The following GEMIN6 variants were observed in gnomAD, a reference collection of about 807,000 sequenced individuals.
GEMIN6 encodes the protein gem nuclear organelle associated protein 6, also known as gem-associated protein 6.
GEMIN6 carries 13 observed loss-of-function variants against 14.1 expected under a neutral mutation model. The ratio of observed to expected loss-of-function variants is 0.92; its 90% CI spans 0.60 to 1.46. The LOEUF (loss-of-function observed/expected upper bound fraction) is 1.46, where lower values mean the gene tolerates loss of function less well. Among genes scored for constraint, GEMIN6 ranks in the 40% most tolerant of loss-of-function variants. The pLI is 0.00. For missense variants in GEMIN6, 271 were observed against 202.4 expected, an observed-to-expected ratio of 1.34 and a Z score of -2.06; for synonymous variants, 87 against 70.0, an observed-to-expected ratio of 1.24 and a Z score of -1.21.
chr2:38,779,262 C>A, intron 2 of GEMIN6, 144 bp downstream of exon 2: 1 of 827,450 alleles, frequency 1.2e-6, no homozygotes, highest in South Asian at 1.6e-5. Flanking sequence ...AGACAGGGTT[C>A]TACTGTCACC....
intron 1 of GEMIN6, 107 bp downstream of exon 1, chr2:38,778,388 G>C (rs1268847461): frequency 6.6e-6 from 1 of 152,242 alleles, no homozygotes; most frequent in Non-Finnish European, 1.5e-5. Context: ...AAGCTCTAGA[G>C]CTGTAGCCGC....
chr2:38,783,170 G>A lies in GEMIN6; in HGVS notation c.*1278G>A. 1 of 156,366 alleles carries A rather than the reference G, an allele frequency of 6.4e-6. No individual in the cohort carries two copies. Among genetic ancestry groups the A allele is most frequent in the Non-Finnish European group, 1.4e-5 (1 of 71,704 alleles). The allele number at this position is 156,366 out of a possible 1,614,324, so 9.7% of individuals were successfully genotyped here. Reference sequence around the variant, plus strand: ...CAGGTGTGAGCCACCGTGCCCGGCTGTTTTTTGTGGGTTTTTTGTTTGTTT... The same window carrying A: ...CAGGTGTGAGCCACCGTGCCCGGCTATTTTTTGTGGGTTTTTTGTTTGTTT... On this transcript the variant is annotated 3_prime_UTR_variant, in exon 3 of 3. Transcript: ENST00000281950.
intron 2 of GEMIN6, among the ~76,000 whole-genome samples, chr2:38,779,664 A>ATAT (rs1462670941): frequency 1.4e-4 from 3 of 20,778 alleles, no homozygotes; most frequent in East Asian, 2.2e-3. Flanking sequence ...ATATATATAT[A>ATAT]TTTTTTTTTT....
chr2:38,781,502 AC>A lies in GEMIN6; in HGVS notation c.129-14del. On this transcript the variant is annotated splice_polypyrimidine_tract_variant and intron_variant, in intron 2 of 2. Coordinates refer to ENST00000281950, the MANE Select transcript of GEMIN6 (RefSeq NM_024775.10). ...TTGGGTTGATGATGCCTCTAAACTT[AC>A]TTTTCCTCCAAAGTATTGTCCTTGT... 6.3e-7 allele frequency: 1 copy of A among 1,591,748 alleles called. No homozygotes were observed. The highest frequency in any genetic ancestry group is 8.6e-7 in the Non-Finnish European group (1 of 1,168,588).
In GEMIN6 at chr2:38,781,828, C is replaced by G. The variant is rs1669098000; in HGVS notation, c.440C>G (p.Ser147Cys). 1.2e-6 allele frequency: 2 copies of G among 1,614,052 alleles called. No homozygotes were observed. The highest frequency in any genetic ancestry group is 1.7e-6 in the Non-Finnish European group (2 of 1,179,984). Residue 147 changes from serine (S) to cysteine (C), a missense_variant, in exon 3 of 3, where the codon TCT becomes TGT. Transcript: ENST00000281950. ...PPYGPENCSSSNEIILSRVQD... is the reference protein window; with the variant it reads ...PPYGPENCSSCNEIILSRVQD... Reference sequence around the variant, plus strand: ...TATGGTCCAGAAAATTGCAGCAGCTCTAATGAGATTATTCTGTCGCGTGTT... The same window carrying G: ...TATGGTCCAGAAAATTGCAGCAGCTGTAATGAGATTATTCTGTCGCGTGTT...
At position 38,781,783 on chromosome 2, in the gene GEMIN6, T is replaced by C; in HGVS notation, c.395T>C (p.Val132Ala). ...CCAAGGACTCTCTGTGTGGCTGGGG[T>C]CCTGACTATAGACCCACCATATGGT... ...DAPRTLCVAG[V>A]LTIDPPYGPE... Residue 132 changes from valine (V) to alanine (A), a missense_variant, in exon 3 of 3, where the codon GTC becomes GCC. Transcript: ENST00000281950. 2 of 1,613,968 alleles carry C rather than the reference T, an allele frequency of 1.2e-6. No individual in the cohort carries two copies. The highest frequency in any genetic ancestry group is 8.5e-7 in the Non-Finnish European group (1 of 1,180,004).
chr2:38,780,747 G>T (rs1464919997), intron 2 of GEMIN6, among the ~76,000 whole-genome samples: 1 of 151,376 alleles, frequency 6.6e-6, no homozygotes, highest in Non-Finnish European at 1.5e-5. Flanking sequence ...TCCTGCCTCA[G>T]CCTCCTAAGT....
At chr2:38,781,371 T>A (rs1669081498) in intron 2 of GEMIN6, 146 bp from the exon 3 acceptor site, 1 of 856,596 alleles carries the variant, frequency 1.2e-6, no homozygotes, top group Non-Finnish European at 1.8e-6. Flanking sequence ...AAAGTTTACC[T>A]ATTTAGGATC....
chr2:38,781,408 G>A (rs947124725), intron 2 of GEMIN6, 109 bp from the exon 3 acceptor site: 8 of 1,112,920 alleles, frequency 7.2e-6, no homozygotes, highest in Middle Eastern at 5.1e-4. Context: ...TGAATAAATG[G>A]AAGCATTCAT....
chr2:38,778,824 A>C, intron 1 of GEMIN6, 148 bp from the exon 2 acceptor site: 1 of 584,048 alleles, frequency 1.7e-6, no homozygotes, highest in Non-Finnish European at 2.9e-6. Context: ...CTATCAGTAC[A>C]TGCATTAATA....
In GEMIN6 at chr2:38,781,724, G is replaced by T; in HGVS notation, c.336G>T (p.Lys112Asn). The change falls in exon 3 of 3, where the codon AAG (lysine) becomes AAT (asparagine). Residue 112 changes from lysine to asparagine, a missense_variant. Coordinates refer to ENST00000281950, the MANE Select transcript of GEMIN6 (RefSeq NM_024775.10). ...ACAGCCTAAAGAAATGGCTTGAGAA[G>T]AACCACATCCCCATCACTGAACAGG... ...RKNSLKKWLE[K>N]NHIPITEQGD... is the part of the protein sequence containing the mutation. 6.2e-7 allele frequency: 1 copy of T among 1,614,160 alleles called. No homozygotes were observed.
chr2:38,781,679 G>C lies in GEMIN6; in HGVS notation c.291G>C (p.Glu97Asp). 1 of 1,614,190 alleles carries C rather than the reference G, an allele frequency of 6.2e-7. No homozygotes were observed. The highest frequency in any genetic ancestry group is 8.5e-7 in the Non-Finnish European group (1 of 1,180,032). The change falls in exon 3 of 3, where the codon GAG (glutamate) becomes GAC (aspartate). Residue 97 changes from glutamate (E) to aspartate (D), a missense_variant. Physicochemically the swap from Glu to Asp is conservative, Grantham distance 45. Coordinates refer to ENST00000281950, the MANE Select transcript of GEMIN6 (RefSeq NM_024775.10). ...GAGACTGCAAAGCATACAGCCCAGA[G>C]GATCTGGAAGAGAGAAAGAACAGCC... is the stretch of plus-strand genomic sequence containing the variant. The part of the protein sequence containing the change: ...TSGDCKAYSP[E>D]DLEERKNSLK...
chr2:38,782,466 TA>T lies in GEMIN6; in HGVS notation c.*576del, dbSNP rs1669111673. On this transcript the variant is annotated 3_prime_UTR_variant, in exon 3 of 3. Transcript: ENST00000281950. ...TATTATGGTAAGATCATGGTCTTGTTAAGTCTCTTCACTAACTGTATGTGTC... is the reference window on the plus strand; with the variant it reads ...TATTATGGTAAGATCATGGTCTTGTTAGTCTCTTCACTAACTGTATGTGTC... 6.6e-6 allele frequency: 1 copy of T among 152,062 alleles called. No individual in the cohort carries two copies. The highest frequency in any genetic ancestry group is 6.6e-5 in the Admixed American group (1 of 15,224). The allele number at this position is 152,062 out of a possible 1,614,324, so 9.4% of individuals were successfully genotyped here.
At chr2:38,779,192 A>G (rs1372727543) in intron 2 of GEMIN6, 74 bp downstream of exon 2, 1 of 1,390,338 alleles carries the variant, frequency 7.2e-7, no homozygotes, top group African/African-American at 1.5e-5. Context: ...CAAACTAAGA[A>G]AGCAGATAAA....
chr2:38,779,030 G>A lies in GEMIN6; in HGVS notation c.40G>A (p.Asp14Asn). ...WMKKGPLEWQ[D>N]YIYKEVRVTA... Reference sequence around the variant, plus strand: ...GAAGAAAGGCCCCTTAGAATGGCAAGATTACATTTACAAAGAGGTCCGAGT... The same window carrying A: ...GAAGAAAGGCCCCTTAGAATGGCAAAATTACATTTACAAAGAGGTCCGAGT... Residue 14 changes from aspartate to asparagine, a missense_variant, in exon 2 of 3, where the codon GAT becomes AAT. Coordinates refer to ENST00000281950, the MANE Select transcript of GEMIN6 (RefSeq NM_024775.10). 6.2e-7 allele frequency: 1 copy of A among 1,613,786 alleles called. No individual in the cohort carries two copies. The highest frequency in any genetic ancestry group is 8.5e-7 in the Non-Finnish European group (1 of 1,179,862).
At chr2:38,781,030 A>G (rs1335391346) in intron 2 of GEMIN6, among the ~76,000 whole-genome samples, 6 of 129,470 alleles carry the variant, frequency 4.6e-5, no homozygotes, top group Admixed American at 3.3e-4. Context: ...GTGCAGTGGC[A>G]TGATCTCGGC....
chr2:38,781,527 G>A lies in GEMIN6; in HGVS notation c.139G>A (p.Val47Met). The A allele has an allele frequency of 1.2e-6, 2 of 1,610,970 alleles. No homozygotes were observed. Among genetic ancestry groups the A allele is most frequent in the South Asian group, 1.1e-5 (1 of 90,508 alleles). ...ACTTTTCCTCCAAAGTATTGTCCTT[G>A]TGAACTTCCTTGAAGATGGCAGCAT... ...TDPVSANIVLVNFLEDGSMSV... is the reference protein window; with the variant it reads ...TDPVSANIVLMNFLEDGSMSV... The change falls in exon 3 of 3, where the codon GTG becomes ATG. Residue 47 changes from valine to methionine, a missense_variant. Coordinates refer to ENST00000281950, the MANE Select transcript of GEMIN6 (RefSeq NM_024775.10).
chr2:38,780,396 G>T (rs113223799), intron 2 of GEMIN6, among the ~76,000 whole-genome samples: 3 of 151,576 alleles, frequency 2.0e-5, no homozygotes, highest in South Asian at 2.1e-4. Flanking sequence ...ATGGAGTCTC[G>T]CTGTGTTGCC....
In GEMIN6 at chr2:38,781,975, C is replaced by CTGTG; in HGVS notation, c.*91_*94dup. 1 of 1,325,544 alleles carries CTGTG rather than the reference C, an allele frequency of 7.5e-7. No homozygotes were observed. Among genetic ancestry groups the CTGTG allele is most frequent in the Non-Finnish European group, 1.0e-6 (1 of 962,210 alleles). The allele number at this position is 1,325,544 out of a possible 1,614,324, so 82.1% of individuals were successfully genotyped here. A position where few individuals can be genotyped will look rare whatever the true frequency, so the allele number is the denominator to read the frequency against. ...ATGTTTTAAATGTAAATGTACATGA[C>CTGTG]TGTGTGTGTGTATGTGTGTGTGTGT... On this transcript the variant is annotated 3_prime_UTR_variant, in exon 3 of 3. Transcript: ENST00000281950.
Sources: allele counts gnomAD v4.1 joint callset (sites outside exome capture counted in the v4.1 genomes callset), GRCh38; gene constraint gnomAD v4.1.1; transcripts MANE v1.5; gene names NCBI Gene and HGNC (gene_info 2026-07-23, HGNC 2026-07-21).